The following HIP1 variants were observed in gnomAD, a reference collection of about 807,000 sequenced individuals.
HIP1 encodes huntingtin interacting protein 1, also known as huntingtin-interacting protein 1.
In HIP1, 65 loss-of-function variants were observed where a neutral mutation model predicts 147.6. The ratio of observed to expected loss-of-function variants is 0.44; its 90% CI spans 0.36 to 0.54. HIP1 has a LOEUF of 0.54. HIP1 is among the 20% of genes least tolerant of loss of function. HIP1 has a pLI of 0.00. For missense variants in HIP1, 1,061 were observed against 1,299.6 expected (o/e 0.82, Z 2.82); for synonymous variants, 479 against 504.0 (o/e 0.95, Z 0.67).
Position 75,556,737 on chromosome 7 carries a change from C to T in HIP1, c.1656G>A (p.Leu552=). 1 of 1,612,778 alleles carries T rather than the reference C, an allele frequency of 6.2e-7. No individual in the cohort carries two copies. Among genetic ancestry groups the T allele is most frequent in the South Asian group, 1.1e-5 (1 of 91,062 alleles). ...LATSQRELQV[L]QGSLETSAQS... is the part of the protein sequence containing the mutation. ...GGGCAGAAGTTTCCAGGCTGCCTTG[C>T]AGAACCTGAAGCTCCCGTTGGCTTG... is the stretch of plus-strand genomic sequence containing the variant. Residue 552 remains leucine, a synonymous_variant, in exon 17 of 31, where the codon CTG becomes CTA. Transcript: ENST00000336926.
At chr7:75,721,990 G>A (rs924955138) in intron 1 of HIP1, among the ~76,000 whole-genome samples, 1 of 152,254 alleles carries the variant, frequency 6.6e-6, no homozygotes, top group African/African-American at 2.4e-5. Context: ...AACTGACAGT[G>A]TAACTGACAG....
At position 75,582,095 on chromosome 7, in the gene HIP1, T is replaced by C; in HGVS notation, c.522A>G (p.Gly174=). The change falls in exon 6 of 31, where the codon GGA becomes GGG. Residue 174 remains glycine (G), a synonymous_variant. Coordinates refer to ENST00000336926, the MANE Select transcript of HIP1 (RefSeq NM_005338.7). The part of the protein sequence containing the change: ...QMSDRQLDEA[G]ESDVNNFFQL... Reference sequence around the variant, plus strand: ...CTTACAAGTTGTTCACGTCACTTTCTCCAGCCTCGTCCAGCTGGCGGTCAC... The same window carrying C: ...CTTACAAGTTGTTCACGTCACTTTCCCCAGCCTCGTCCAGCTGGCGGTCAC... The C allele has an allele frequency of 6.2e-7, 1 of 1,613,954 alleles. No individual in the cohort carries two copies. Among genetic ancestry groups the C allele is most frequent in the Non-Finnish European group, 8.5e-7 (1 of 1,179,928 alleles).
intron 14 of HIP1, among the ~76,000 whole-genome samples, chr7:75,559,178 G>A (rs1554494019): frequency 6.6e-6 from 1 of 152,142 alleles, no homozygotes; most frequent in Non-Finnish European, 1.5e-5. Context: ...GTGCAGTGGT[G>A]CAATCAGCTC....
At chr7:75,622,397 C>T (rs1295624570) in intron 1 of HIP1, among the ~76,000 whole-genome samples, 2 of 151,702 alleles carry the variant, frequency 1.3e-5, no homozygotes, top group African/African-American at 2.4e-5. Context: ...GACACCCCGA[C>T]GTTCAGGAGA....
At chr7:75,723,240 T>G (rs1182013176) in intron 1 of HIP1, among the ~76,000 whole-genome samples, 1 of 152,182 alleles carries the variant, frequency 6.6e-6, no homozygotes, top group Middle Eastern at 3.4e-3. Context: ...GGTGTGGTGG[T>G]GCGTCCCTGT....
intron 1 of HIP1, among the ~76,000 whole-genome samples, chr7:75,664,878 C>G (rs567227713): frequency 6.6e-6 from 1 of 152,240 alleles, no homozygotes; most frequent in South Asian, 2.1e-4. Flanking sequence ...GCCTTGGCCT[C>G]CCAAAGTGCT....
At chr7:75,576,213 C>A (rs1471198537) in intron 7 of HIP1, among the ~76,000 whole-genome samples, 1 of 152,198 alleles carries the variant, frequency 6.6e-6, no homozygotes, top group Non-Finnish European at 1.5e-5. Flanking sequence ...ACAGTGCATA[C>A]CTCGTAAGGG....
intron 2 of HIP1, among the ~76,000 whole-genome samples, chr7:75,598,298 G>A (rs954485155): frequency 6.6e-6 from 1 of 151,618 alleles, no homozygotes; most frequent in African/African-American, 2.4e-5. Flanking sequence ...TTGGGAAGCT[G>A]AGGCACAAGA....
intron 1 of HIP1, among the ~76,000 whole-genome samples, chr7:75,610,055 A>G (rs1291552489): frequency 2.0e-5 from 3 of 150,792 alleles, no homozygotes; most frequent in Admixed American, 1.3e-4. Context: ...GGCCCACACC[A>G]CCACACCTGG....
At chr7:75,680,146 A>T (rs1236004581) in intron 1 of HIP1, among the ~76,000 whole-genome samples, 1 of 152,012 alleles carries the variant, frequency 6.6e-6, no homozygotes, top group African/African-American at 2.4e-5. Context: ...GGGTTCAAGC[A>T]ATTCTCGTGC....
At chr7:75,642,533 T>C (rs1432249111) in intron 1 of HIP1, among the ~76,000 whole-genome samples, 3 of 152,098 alleles carry the variant, frequency 2.0e-5, no homozygotes, top group Admixed American at 2.0e-4. Context: ...AGACTCTGTC[T>C]CAAAACAAAA....
At chr7:75,678,360 T>TTTTTTTTTTTC (rs71098061) in intron 1 of HIP1, among the ~76,000 whole-genome samples, 3 of 127,606 alleles carry the variant, frequency 2.4e-5, no homozygotes, top group African/African-American at 6.1e-5. Context: ...TTTTTTTTTT[T>TTTTTTTTTTTC]TGAGACAGCA....
intron 7 of HIP1, among the ~76,000 whole-genome samples, chr7:75,577,676 G>A (rs1208599809): frequency 1.3e-5 from 2 of 152,124 alleles, no homozygotes; most frequent in Admixed American, 1.3e-4. Flanking sequence ...TCAGCATCTC[G>A]TGGTAACAAT....
At chr7:75,597,571 C>A (rs1796793068) in intron 2 of HIP1, among the ~76,000 whole-genome samples, 1 of 151,930 alleles carries the variant, frequency 6.6e-6, no homozygotes, top group African/African-American at 2.4e-5. Context: ...AAAACCCCGT[C>A]TCTACTAAAA....
chr7:75,580,875 G>A (rs145011271), intron 7 of HIP1, among the ~76,000 whole-genome samples: 1,969 of 152,216 alleles, frequency 0.013, 40 homozygotes, highest in African/African-American at 0.045. Flanking sequence ...CCAAGTAACT[G>A]GGATTACAGG....
chr7:75,589,914 A>G (rs113709574), intron 4 of HIP1, among the ~76,000 whole-genome samples: 2,771 of 151,694 alleles, frequency 0.018, 77 homozygotes, highest in African/African-American at 0.063. Flanking sequence ...GTATTTTTTT[A>G]GTAGAGACGG....
chr7:75,678,699 C>T (rs527950541), intron 1 of HIP1, among the ~76,000 whole-genome samples: 2 of 152,148 alleles, frequency 1.3e-5, no homozygotes, highest in South Asian at 2.1e-4. Flanking sequence ...AGCTTGTGCA[C>T]GTTGCCGATT....
At chr7:75,619,555 G>T (rs1190125417) in intron 1 of HIP1, among the ~76,000 whole-genome samples, 1 of 149,962 alleles carries the variant, frequency 6.7e-6, no homozygotes, top group Non-Finnish European at 1.5e-5. Context: ...GTAACAAAAA[G>T]GAAGAATGAG....
chr7:75,638,008 A>ACC, intron 1 of HIP1, among the ~76,000 whole-genome samples: 1 of 64,612 alleles, frequency 1.5e-5, no homozygotes, highest in Non-Finnish European at 2.6e-5. Context: ...ACACACATAC[A>ACC]CACACACACA....
Sources: gnomAD v4.1 joint callset for allele counts (sites outside exome capture counted in the v4.1 genomes callset) on GRCh38, gnomAD v4.1.1 for gene constraint, MANE v1.5 for transcripts, NCBI Gene and HGNC (gene_info 2026-07-23, HGNC 2026-07-21) for gene names.